Variants in TOPBP1 observed in about 807,000 individuals in gnomAD.
TOPBP1 encodes DNA topoisomerase II binding protein 1.
Under a neutral mutation model 167.7 loss-of-function variants are expected in TOPBP1, and 28 were observed. The observed-to-expected ratio is 0.17, with a 90% CI of 0.12 to 0.23. The LOEUF (loss-of-function observed/expected upper bound fraction) is 0.23. Among genes scored for constraint, TOPBP1 ranks in the 10% least tolerant of loss-of-function variants. The pLI, the probability that TOPBP1 is intolerant of heterozygous loss-of-function variation, is 1.00. For synonymous variants in TOPBP1, 598 were observed against 611.4 expected, an observed-to-expected ratio of 0.98 and a Z score of 0.32; for missense variants, 1,554 against 1,809.6, an observed-to-expected ratio of 0.86 and a Z score of 2.56.
In TOPBP1 at chr3:133,652,524, T is replaced by C; in HGVS notation, c.1028A>G (p.Asn343Ser). Residue 343 changes from asparagine (N) to serine (S), a missense_variant, in exon 8 of 28, where the codon AAT becomes AGT. By Grantham distance (46) the Asn-to-Ser change is conservative. This residue lies in a region of TOPBP1 where 1,197 missense variants were observed against 1,351.5 expected (regional missense o/e 0.89). Coordinates refer to ENST00000260810, the MANE Select transcript of TOPBP1 (RefSeq NM_007027.4). The part of the protein sequence containing the change: ...LNSKLEPTLE[N>S]LENLDVSAFQ... ...TGCACTGACATCCAGATTTTCTAGA[T>C]TTTCAAGTGTAGGCTCCAGTTTGCT... 1 of 1,612,064 alleles carries C rather than the reference T, an allele frequency of 6.2e-7. No individual in the cohort carries two copies. The highest frequency in any genetic ancestry group is 1.7e-5 in the Admixed American group (1 of 59,942).
chr3:133,633,012 A>T (rs1576298995), intron 14 of TOPBP1, among the ~76,000 whole-genome samples: 1 of 152,088 alleles, frequency 6.6e-6, no homozygotes, highest in East Asian at 1.9e-4. Context: ...GACTCAAGTG[A>T]TCCTCCCGTC....
chr3:133,638,280 G>T, intron 13 of TOPBP1, 118 bp from the exon 14 acceptor site: 1 of 985,926 alleles, frequency 1.0e-6, no homozygotes, highest in South Asian at 1.7e-5. Context: ...TAACTCCTGG[G>T]CTCAAGAGAT....
chr3:133,620,179 C>G lies in TOPBP1; in HGVS notation c.3347G>C (p.Arg1116Pro). 6.2e-7 allele frequency: 1 copy of G among 1,613,592 alleles called. No homozygotes were observed. Among genetic ancestry groups the G allele is most frequent in the Non-Finnish European group, 8.5e-7 (1 of 1,179,686 alleles). ...PDSTRSARSG[R>P]SRVLEALRQS... ...CCTCAGTGCCTCTAGGACTCTACTT[C>G]GTCCACTGCGAGCAGAGCGAGTGCT... The change falls in exon 20 of 28, where the codon CGA (arginine) becomes CCA (proline). Residue 1116 changes from arginine to proline, a missense_variant. Coordinates refer to ENST00000260810, the MANE Select transcript of TOPBP1 (RefSeq NM_007027.4).
intron 3 of TOPBP1, 49 bp downstream of exon 3, chr3:133,658,967 A>G: frequency 6.5e-7 from 1 of 1,536,652 alleles, no homozygotes; most frequent in Non-Finnish European, 8.7e-7. Flanking sequence ...TAAAGCAAAG[A>G]TAAACCAAAA....
chr3:133,615,757 T>C (rs1439208725), intron 23 of TOPBP1, among the ~76,000 whole-genome samples: 1 of 152,212 alleles, frequency 6.6e-6, no homozygotes, highest in Non-Finnish European at 1.5e-5. Flanking sequence ...ATGTTTAAAG[T>C]TCATTTCACT....
In TOPBP1 at chr3:133,624,168, A is replaced by C. The variant is rs1429984833; in HGVS notation, c.2812T>G (p.Phe938Val). 4 of 1,613,236 alleles carry C rather than the reference A, an allele frequency of 2.5e-6. No homozygotes were observed. In the African/African-American group the frequency reaches 5.3e-5, roughly 22 times the overall value. ...ATGAAATGAGTCACTGTTTCATCAA[A>C]ACTCCACCTGAAATAACCAATACAA... The part of the protein sequence containing the change: ...ASLGADYRWS[F>V]DETVTHFIYQ... Residue 938 changes from phenylalanine (F) to valine (V), a missense_variant, in exon 17 of 28, where the codon TTT (phenylalanine) becomes GTT (valine). Physicochemically the swap from Phe to Val is conservative, Grantham distance 50. Transcript: ENST00000260810.
chr3:133,628,702 C>G lies in TOPBP1; in HGVS notation c.2552G>C (p.Arg851Pro), dbSNP rs192653358. ...DALAALETPG[R>P]PSQQKRKPST... is the part of the protein sequence containing the mutation. ...CGGTTTCCTTTTCTGTTGGCTGGGA[C>G]GTCCTGGAGTTTCCAAGGCTGCAAG... The change falls in exon 15 of 28, where the codon CGT becomes CCT. Residue 851 changes from arginine to proline, a missense_variant. Physicochemically the swap from Arg to Pro is moderately radical, Grantham distance 103. Coordinates refer to ENST00000260810, the MANE Select transcript of TOPBP1 (RefSeq NM_007027.4). 1 of 1,554,082 alleles carries G rather than the reference C, an allele frequency of 6.4e-7. No homozygotes were observed. Among genetic ancestry groups the G allele is most frequent in the African/African-American group, 1.4e-5 (1 of 73,116 alleles).
intron 11 of TOPBP1, 129 bp downstream of exon 11, chr3:133,643,891 A>T (rs1935984050): frequency 1.0e-6 from 1 of 1,000,646 alleles, no homozygotes; most frequent in African/African-American, 1.6e-5. Context: ...CCTTGCTAAA[A>T]GCAAAATCAA....
chr3:133,651,078 C>A (rs1342930291), intron 8 of TOPBP1, among the ~76,000 whole-genome samples: 2 of 143,318 alleles, frequency 1.4e-5, no homozygotes, highest in Non-Finnish European at 3.0e-5. Flanking sequence ...GCCTGGGCGA[C>A]AGAGCAAGTC....
At chr3:133,635,029 A>G (rs915377478) in intron 14 of TOPBP1, among the ~76,000 whole-genome samples, 1 of 152,222 alleles carries the variant, frequency 6.6e-6, no homozygotes, top group South Asian at 2.1e-4. Context: ...CTATACAGGC[A>G]ATTAGTGGGA....
chr3:133,611,243 C>G, intron 24 of TOPBP1, 102 bp from the exon 25 acceptor site: 1 of 1,033,072 alleles, frequency 9.7e-7, no homozygotes, highest in Non-Finnish European at 1.3e-6. Context: ...ACTGTTAAAG[C>G]TATACATTTA....
Position 133,603,664 on chromosome 3 carries a change from C to CT in TOPBP1, c.4426-2272_4426-2271insA, listed in dbSNP as rs1391245108. 6.5e-4 allele frequency among the ~76,000 whole-genome samples: 99 copies of CT among 151,984 alleles called. 3 individuals are homozygous for CT. The highest frequency in any genetic ancestry group is 3.4e-3 in the Middle Eastern group (1 of 294). ...ATCAAAGAAATTATATATGGGTAAA[C>CT]AACTAGCAACAAAGTTTGAAATAAA... On this transcript the variant is annotated intron_variant, in intron 27 of 27. Coordinates refer to ENST00000260810, the MANE Select transcript of TOPBP1 (RefSeq NM_007027.4).
rs751167027 is a variant in TOPBP1 at position 133,659,093 on chromosome 3, A to G, written c.142T>C (p.Leu48=). The G allele has an allele frequency of 1.3e-6, 2 of 1,590,794 alleles. No homozygotes were observed. Among genetic ancestry groups the G allele is most frequent in the African/African-American group, 1.3e-5 (1 of 74,654 alleles). The part of the protein sequence containing the change: ...YLQIITEEEA[L]KIKENDRSLY... ...GATCTATCATTCTCCTTTATCTTCA[A>G]TGCCTCTTCTTCTGTAATAATCTGA... Residue 48 remains leucine (L), a synonymous_variant, in exon 3 of 28, where the codon TTG becomes CTG. Coordinates refer to ENST00000260810, the MANE Select transcript of TOPBP1 (RefSeq NM_007027.4).
At chr3:133,613,439 T>C (rs1445483462) in intron 23 of TOPBP1, among the ~76,000 whole-genome samples, 1 of 152,102 alleles carries the variant, frequency 6.6e-6, no homozygotes, top group Non-Finnish European at 1.5e-5. Flanking sequence ...AAGTCTCAAT[T>C]ACAAAAGCAG....
At chr3:133,637,428 T>C (rs2107805820) in intron 14 of TOPBP1, among the ~76,000 whole-genome samples, 1 of 152,320 alleles carries the variant, frequency 6.6e-6, no homozygotes, top group South Asian at 2.1e-4. Flanking sequence ...AGTAAGGTGA[T>C]ATACACACAT....
rs540949885 is a variant in TOPBP1, at chr3:133,601,462, T to G, written c.4426-69A>C. The stretch of plus-strand genomic sequence containing the variant: ...ATTTACGTGATCTGGTAATAGATTT[T>G]TTCTTTAAATCTCAGACCTCTCAGG... On this transcript the variant is annotated intron_variant, in intron 27 of 27. Coordinates refer to ENST00000260810, the MANE Select transcript of TOPBP1 (RefSeq NM_007027.4). The G allele has an allele frequency of 2.3e-5, 29 of 1,235,798 alleles. 1 individual carries two copies. The African/African-American group carries it at 3.1e-4, about 13-fold the overall frequency. 76.6% of individuals were successfully genotyped at this position (1,235,798 alleles called of 1,614,324 possible). A position where few individuals can be genotyped will look rare whatever the true frequency, so the allele number is the denominator to read the frequency against.
At chr3:133,645,401 C>T (rs1047972244) in intron 10 of TOPBP1, among the ~76,000 whole-genome samples, 3 of 152,006 alleles carry the variant, frequency 2.0e-5, no homozygotes, top group African/African-American at 4.8e-5. Flanking sequence ...TAATAGTATA[C>T]TTATAATTTA....
intron 27 of TOPBP1, among the ~76,000 whole-genome samples, chr3:133,607,321 TC>T (rs1934525973): frequency 6.6e-6 from 1 of 152,062 alleles, no homozygotes; most frequent in East Asian, 1.9e-4. Flanking sequence ...ATGGTAAAAA[TC>T]CCTGTATATT....
chr3:133,603,560 A>G (rs1934382055), intron 27 of TOPBP1, among the ~76,000 whole-genome samples: 1 of 152,236 alleles, frequency 6.6e-6, no homozygotes, highest in Non-Finnish European at 1.5e-5. Flanking sequence ...GGAAAAGGCT[A>G]TATTAACCTC....
Sources: gnomAD v4.1 joint callset for allele counts (sites outside exome capture counted in the v4.1 genomes callset) on GRCh38, gnomAD v4.1.1 for gene constraint, gnomAD v4.1.1 regional missense constraint, MANE v1.5 for transcripts, NCBI Gene and HGNC (gene_info 2026-07-23, HGNC 2026-07-21) for gene names.